COPS9: variants seen among roughly 807,000 people sequenced by gnomAD.
COPS9 encodes the protein COP9 signalosome subunit 9.
In COPS9, 8 loss-of-function variants were observed where a neutral mutation model predicts 7.2. That is an observed-to-expected ratio of 1.11 (90% confidence interval 0.65 to 2.00). The LOEUF is 2.00. Among genes scored for constraint, COPS9 ranks in the 30% most tolerant of loss-of-function variants. COPS9 has a pLI of 0.00. For synonymous variants in COPS9, 39 were observed against 28.7 expected, an observed-to-expected ratio of 1.36 and a Z score of -1.14; for missense variants, 74 against 77.7, an observed-to-expected ratio of 0.95 and a Z score of 0.18.
downstream of COPS9, among the ~76,000 whole-genome samples, chr2:240,129,094 G>A (rs1011120910): frequency 4.6e-5 from 7 of 152,158 alleles, no homozygotes; most frequent in Admixed American, 3.3e-4. Flanking sequence ...CTCCACCTGG[G>A]ATCATTCCTT....
At chr2:240,130,067 C>T, downstream of COPS9, 1 of 1,550,658 alleles carries the variant, frequency 6.4e-7, no homozygotes, top group Non-Finnish European at 8.9e-7. Context: ...ATCAGGATGA[C>T]AGGGTGGAAA....
At chr2:240,130,278 G>T (rs573858991), downstream of COPS9, among the ~76,000 whole-genome samples, 1 of 152,328 alleles carries the variant, frequency 6.6e-6, no homozygotes, top group East Asian at 1.9e-4. Flanking sequence ...TCCTGGGCCT[G>T]GGCGTCTCCT....
At chr2:240,135,910 C>T in intron 1 of COPS9, 1 of 411,178 alleles carries the variant, frequency 2.4e-6, no homozygotes, top group Non-Finnish European at 4.3e-6. Context: ...CGAAGAGCAG[C>T]AAACGCAACT....
At chr2:240,133,819 G>A (rs2071945631) in intron 2 of COPS9, 114 bp downstream of exon 2, 1 of 1,033,488 alleles carries the variant, frequency 9.7e-7, no homozygotes, top group East Asian at 2.4e-5. Flanking sequence ...GAGGAGCGCA[G>A]GGGCTCTACC....
At chr2:240,129,867 C>T (rs199914908), downstream of COPS9, 40 of 1,534,538 alleles carry the variant, frequency 2.6e-5, no homozygotes, top group African/African-American at 3.1e-4. Flanking sequence ...GCAGCCTCAA[C>T]GTGCGGCCCA....
downstream of COPS9, chr2:240,126,717 C>T (rs757389901): frequency 6.2e-7 from 1 of 1,614,226 alleles, no homozygotes; most frequent in Non-Finnish European, 8.5e-7. Flanking sequence ...TCTTGTGGTT[C>T]TGAGCACCTC....
downstream of COPS9, chr2:240,130,160 C>T: frequency 2.9e-6 from 2 of 682,544 alleles, no homozygotes; most frequent in Non-Finnish European, 4.9e-6. Flanking sequence ...GTACAAATGT[C>T]TCTTCTGTAA....
At chr2:240,134,068 A>T in intron 1 of COPS9, 63 bp from the exon 2 acceptor site, 4 of 1,479,278 alleles carry the variant, frequency 2.7e-6, no homozygotes, top group Non-Finnish European at 3.8e-6. Flanking sequence ...TGATAAGTGC[A>T]TTGCAGGGCC....
At chr2:240,129,805 A>T (rs1282086916), downstream of COPS9, 4 of 960,976 alleles carry the variant, frequency 4.2e-6, no homozygotes, top group East Asian at 1.0e-4. Flanking sequence ...TGGCCGCTGG[A>T]AACCCTGCTC....
intron 2 of COPS9, among the ~76,000 whole-genome samples, chr2:240,131,450 C>T (rs1041592186): frequency 5.9e-5 from 9 of 152,212 alleles, no homozygotes; most frequent in East Asian, 1.9e-4. Context: ...ATGCTGCCCT[C>T]GCTGCCGGGG....
intron 1 of COPS9, 33 bp from the exon 2 acceptor site, chr2:240,134,038 G>A (rs2071948359): frequency 5.0e-6 from 8 of 1,609,528 alleles, no homozygotes; most frequent in South Asian, 1.1e-5. Flanking sequence ...TATGTCAGGT[G>A]CGTTTTCCGA....
intron 1 of COPS9, 66 bp from the exon 2 acceptor site, chr2:240,134,071 G>T: frequency 1.4e-6 from 2 of 1,440,008 alleles, no homozygotes; most frequent in Non-Finnish European, 2.0e-6. Context: ...TAAGTGCATT[G>T]CAGGGCCACT....
downstream of COPS9, among the ~76,000 whole-genome samples, chr2:240,127,231 C>T (rs1381016820): frequency 6.6e-6 from 1 of 151,418 alleles, no homozygotes; most frequent in African/African-American, 2.4e-5. Context: ...TCGCTGACCC[C>T]CACCCCCACC....
At chr2:240,128,448 C>T (rs1227507120), downstream of COPS9, among the ~76,000 whole-genome samples, 2 of 152,130 alleles carry the variant, frequency 1.3e-5, no homozygotes, top group African/African-American at 4.8e-5. Context: ...TCTCCAGGAC[C>T]CCAGAAGGCT....
At chr2:240,131,362 C>T (rs2071920981) in intron 2 of COPS9, among the ~76,000 whole-genome samples, 1 of 152,194 alleles carries the variant, frequency 6.6e-6, no homozygotes, top group South Asian at 2.1e-4. Flanking sequence ...GTCCCACGGA[C>T]ACCACCGCAC....
downstream of COPS9, among the ~76,000 whole-genome samples, chr2:240,128,739 C>G (rs748338827): frequency 1.3e-5 from 2 of 152,144 alleles, no homozygotes; most frequent in African/African-American, 4.8e-5. Context: ...AGCTGCAGTC[C>G]GATCACCCAG....
downstream of COPS9, among the ~76,000 whole-genome samples, chr2:240,129,375 AG>A (rs963993197): frequency 2.6e-5 from 4 of 152,106 alleles, no homozygotes; most frequent in Non-Finnish European, 5.9e-5. Flanking sequence ...TCTGTTGCCC[AG>A]GTTGGTCTCA....
In COPS9 at chr2:240,132,129, T is replaced by C. The variant is rs1295832010; in HGVS notation, c.137-1041A>G. On this transcript the variant is annotated intron_variant, in intron 2 of 2. Transcript: ENST00000607357. The surrounding 1 kb of genome is among the most constrained non-coding windows in gnomAD (Gnocchi z 4.1). ...GCTGCCCCCTCTGGAGAAACCTCCC[T>C]CTGCAGTGCTCCCAGAAACAATGCC... 6.6e-6 allele frequency among the ~76,000 whole-genome samples: 1 copy of C among 152,172 alleles called. No individual in the cohort carries two copies. Among genetic ancestry groups the C allele is most frequent in the Admixed American group, 6.5e-5 (1 of 15,274 alleles).
chr2:240,128,786 G>A (rs929778886), downstream of COPS9, among the ~76,000 whole-genome samples: 2 of 152,158 alleles, frequency 1.3e-5, no homozygotes, highest in Non-Finnish European at 2.9e-5. Context: ...GGTGACAGCC[G>A]AGTCACACGG....
Sources: allele counts gnomAD v4.1 joint callset (sites outside exome capture counted in the v4.1 genomes callset), GRCh38; gene constraint gnomAD v4.1.1; non-coding constraint Gnocchi (gnomAD v3.1); transcripts MANE v1.5; gene names NCBI Gene and HGNC (gene_info 2026-07-23, HGNC 2026-07-21).